Variants in GRIK2 observed in about 807,000 individuals in gnomAD.
GRIK2 encodes glutamate receptor ionotropic, kainate 2.
A neutral mutation model predicts 100.3 loss-of-function variants in GRIK2; 32 were observed. The ratio of observed to expected loss-of-function variants is 0.32; its 90% CI spans 0.24 to 0.43. The LOEUF (loss-of-function observed/expected upper bound fraction) is 0.43. Among genes scored for constraint, GRIK2 ranks in the 20% least tolerant of loss-of-function variants. The pLI, the probability that GRIK2 is intolerant of heterozygous loss-of-function variation, is 1.00. For synonymous variants in GRIK2, 417 were observed against 389.4 expected (o/e 1.07, Z -0.83); for missense variants, 843 against 1,114.9 (o/e 0.76, Z 3.47).
At chr6:101,400,421 A>G (rs1775235350) in intron 2 of GRIK2, among the ~76,000 whole-genome samples, 2 of 152,176 alleles carry the variant, frequency 1.3e-5, no homozygotes, top group African/African-American at 4.8e-5. Context: ...AGTCAGGGAA[A>G]GTTCCCTAAA....
chr6:101,950,316 A>G (rs1022545884), intron 14 of GRIK2, among the ~76,000 whole-genome samples: 4 of 152,074 alleles, frequency 2.6e-5, no homozygotes, highest in Non-Finnish European at 5.9e-5. Context: ...GTTTATCTCA[A>G]TCTTTGGTGA....
At chr6:102,023,304 C>G (rs1297002541) in intron 14 of GRIK2, among the ~76,000 whole-genome samples, 1 of 150,982 alleles carries the variant, frequency 6.6e-6, no homozygotes, top group Non-Finnish European at 1.5e-5. Flanking sequence ...ACCTGAAAGG[C>G]TTGAACATGT....
chr6:102,014,298 A>G (rs1171959007), intron 14 of GRIK2, among the ~76,000 whole-genome samples: 1 of 143,208 alleles, frequency 7.0e-6, no homozygotes, highest in Non-Finnish European at 1.6e-5. Context: ...TAATCCCTTC[A>G]TTATTTCTCA....
intron 2 of GRIK2, among the ~76,000 whole-genome samples, chr6:101,467,118 T>A (rs929142365): frequency 4.6e-5 from 7 of 152,242 alleles, no homozygotes; most frequent in Non-Finnish European, 2.9e-5. Context: ...CAGAAGTATG[T>A]TTTTATTGTA....
rs1775140450 is a variant in GRIK2 at position 101,399,149 on chromosome 6, C to T, written c.-129C>T. ...TGGGTTTGGGAAGCGGAGACTCCTT[C>T]CTCTCTCTATGACCATGCCGTGATC... On this transcript the variant is annotated 5_prime_UTR_variant, in exon 2 of 17. Transcript: ENST00000369134. The T allele has an allele frequency of 3.2e-6, 2 of 620,542 alleles. No homozygotes were observed. The highest frequency in any genetic ancestry group is 1.8e-5 in the African/African-American group (1 of 54,350). 38.4% of individuals were successfully genotyped at this position (620,542 alleles called of 1,614,324 possible). A position where few individuals can be genotyped will look rare whatever the true frequency, so the allele number is the denominator to read the frequency against.
intron 5 of GRIK2, among the ~76,000 whole-genome samples, chr6:101,677,408 A>AAACC (rs891126481): frequency 1.7e-4 from 26 of 152,152 alleles, no homozygotes; most frequent in Non-Finnish European, 3.1e-4. Context: ...TGCCTGACAA[A>AAACC]AACCAACCAA....
chr6:102,043,800 A>G, intron 15 of GRIK2, among the ~76,000 whole-genome samples: 1 of 65,674 alleles, frequency 1.5e-5, no homozygotes, highest in South Asian at 4.4e-4. Flanking sequence ...GATCTTTCCC[A>G]TGATGGTTGC....
At position 102,016,012 on chromosome 6, in the gene GRIK2, C is replaced by A. The variant is rs375169449; in HGVS notation, c.2086-19329C>A. On this transcript the variant is annotated intron_variant, in intron 14 of 16. Coordinates refer to ENST00000369134, the MANE Select transcript of GRIK2 (RefSeq NM_021956.5). ...AAAAGAAAAAAAATCCAAAGGGCAGCAACTTTAACTACTGAAGGAACATCA... is the reference window on the plus strand; with the variant it reads ...AAAAGAAAAAAAATCCAAAGGGCAGAAACTTTAACTACTGAAGGAACATCA... Among the ~76,000 whole-genome samples the A allele has an allele frequency of 5.9e-5, 9 of 152,172 alleles. 1 individual carries two copies. Among genetic ancestry groups the A allele is most frequent in the African/African-American group, 2.2e-4 (9 of 41,512 alleles).
intron 2 of GRIK2, among the ~76,000 whole-genome samples, chr6:101,518,494 T>C (rs1774703928): frequency 6.6e-6 from 1 of 152,054 alleles, no homozygotes; most frequent in East Asian, 1.9e-4. Flanking sequence ...CTTCCCATCA[T>C]ATTGGAGAGG....
At chr6:101,423,583 A>G (rs1367270666) in intron 2 of GRIK2, among the ~76,000 whole-genome samples, 5 of 152,140 alleles carry the variant, frequency 3.3e-5, no homozygotes, top group Admixed American at 6.5e-5. Context: ...CCAGTTGGCC[A>G]TTTGTATATC....
intron 15 of GRIK2, among the ~76,000 whole-genome samples, chr6:102,043,347 AC>A (rs1405711194): frequency 6.6e-6 from 1 of 151,774 alleles, no homozygotes; most frequent in Non-Finnish European, 1.5e-5. Flanking sequence ...AATTATATTC[AC>A]CATGTTGTGC....
At chr6:101,931,076 A>T (rs913996869) in intron 14 of GRIK2, among the ~76,000 whole-genome samples, 12 of 152,160 alleles carry the variant, frequency 7.9e-5, no homozygotes, top group African/African-American at 2.9e-4. Flanking sequence ...AACTCACAAG[A>T]CTACATTAAA....
chr6:101,577,171 AAC>A (rs896569369), intron 2 of GRIK2, among the ~76,000 whole-genome samples: 18 of 151,786 alleles, frequency 1.2e-4, no homozygotes, highest in African/African-American at 3.1e-4. Context: ...ACAAAAAAAA[AAC>A]AACAACATCA....
intron 13 of GRIK2, chr6:101,927,648 C>A (rs1486484916): frequency 6.6e-6 from 1 of 151,902 alleles, no homozygotes; most frequent in African/African-American, 2.4e-5. Flanking sequence ...AAATATAATT[C>A]TCAGATCCCA....
At chr6:101,762,142 C>T (rs1421732750) in intron 7 of GRIK2, among the ~76,000 whole-genome samples, 1 of 138,782 alleles carries the variant, frequency 7.2e-6, no homozygotes, top group African/African-American at 3.0e-5. Flanking sequence ...TCCTCCCTCC[C>T]TTCCTCTTCC....
intron 2 of GRIK2, among the ~76,000 whole-genome samples, chr6:101,531,415 A>G (rs1484321162): frequency 1.3e-5 from 2 of 152,022 alleles, no homozygotes; most frequent in Non-Finnish European, 2.9e-5. Context: ...GTTTAAATGA[A>G]TAAATGAAAA....
intron 2 of GRIK2, among the ~76,000 whole-genome samples, chr6:101,562,868 C>T (rs906709637): frequency 7.9e-5 from 12 of 152,082 alleles, no homozygotes; most frequent in African/African-American, 2.9e-4. Flanking sequence ...ATTAGAATAT[C>T]TATCTGTGGT....
intron 2 of GRIK2, among the ~76,000 whole-genome samples, chr6:101,405,378 A>C (rs886875943): frequency 1.3e-5 from 2 of 152,088 alleles, no homozygotes; most frequent in Admixed American, 1.3e-4. Flanking sequence ...TCATTTGAAA[A>C]AAAAAAGGCA....
chr6:101,568,832 C>A (rs574014855), intron 2 of GRIK2, among the ~76,000 whole-genome samples: 1 of 152,100 alleles, frequency 6.6e-6, no homozygotes, highest in Non-Finnish European at 1.5e-5. Flanking sequence ...ACGAGTCTAT[C>A]CAGTCACATA....
Sources: gnomAD v4.1 joint callset for allele counts (sites outside exome capture counted in the v4.1 genomes callset) on GRCh38, gnomAD v4.1.1 for gene constraint, MANE v1.5 for transcripts, NCBI Gene and HGNC (gene_info 2026-07-23, HGNC 2026-07-21) for gene names.